SAMD11: variants seen among roughly 807,000 people sequenced by gnomAD.
The protein encoded by SAMD11 is sterile alpha motif domain-containing protein 11.
In SAMD11, 77 loss-of-function variants were observed where a neutral mutation model predicts 64.4. That is an observed-to-expected ratio of 1.20 (90% CI 0.99 to 1.44). The LOEUF (loss-of-function observed/expected upper bound fraction) is 1.44, where lower values mean the gene tolerates loss of function less well. Ranked by LOEUF, SAMD11 falls within the 40% of genes most tolerant of loss-of-function variation. The pLI is 0.00. For synonymous variants in SAMD11, 658 were observed against 421.9 expected (o/e 1.56, Z -6.86); for missense variants, 1,402 against 943.3 (o/e 1.49, Z -6.37).
chr1:942,943 G>A lies in SAMD11; in HGVS notation c.1938G>A (p.Gly646=), dbSNP rs951991576. 7 of 1,550,364 alleles carry A rather than the reference G, an allele frequency of 4.5e-6. No homozygotes were observed. In the South Asian group the frequency reaches 4.8e-5, roughly 11 times the overall value. The change falls in exon 11 of 14, where the codon GGG becomes GGA. Residue 646 remains glycine, a synonymous_variant. Transcript: ENST00000616016. ...DPETAAVGCR[G]PTPGQAPAGG... is the part of the protein sequence containing the mutation. ...AGACGGCAGCTGTTGGGTGCAGGGG[G>A]CCCACTCCGGGCCAAGCTCCAGCTG...
At chr1:938,896 T>A (rs938081449) in intron 5 of SAMD11, 144 bp from the exon 6 acceptor site, 1 of 723,398 alleles carries the variant, frequency 1.4e-6, no homozygotes, top group Admixed American at 2.2e-5. Context: ...AGGCTGGGGC[T>A]GCCAGGGCTG....
At chr1:929,207 G>A (rs1010107808) in intron 2 of SAMD11, among the ~76,000 whole-genome samples, 52 of 152,194 alleles carry the variant, frequency 3.4e-4, no homozygotes, top group African/African-American at 1.1e-3. Context: ...GGGCACGTCC[G>A]CCGCGTGTGT....
intron 7 of SAMD11, chr1:940,565 C>T (rs1397211277): frequency 6.6e-6 from 1 of 152,388 alleles, no homozygotes; most frequent in Non-Finnish European, 1.5e-5. Context: ...GGCCGAGAGA[C>T]CTGGGACGCG....
In SAMD11 at chr1:942,795, A is replaced by AG. The variant is rs990506215; in HGVS notation, c.1796dup (p.Pro600SerfsTer18). On this transcript the variant is annotated frameshift_variant, in exon 11 of 14. Transcript: ENST00000616016. LOFTEE classifies it high-confidence loss of function. ...GACTCTGCCCGGCGAGCCCCCCGGAAGGGGGGTCCCGGCCCTGCCTCAGCG... is the reference window on the plus strand; with the variant it reads ...GACTCTGCCCGGCGAGCCCCCCGGAAGGGGGGGTCCCGGCCCTGCCTCAGCG... The AG allele has an allele frequency of 1.9e-5, 30 of 1,542,252 alleles. No individual in the cohort carries two copies. Among genetic ancestry groups the AG allele is most frequent in the African/African-American group, 5.6e-5 (4 of 71,954 alleles).
intron 12 of SAMD11, 81 bp downstream of exon 12, chr1:943,458 G>A (rs1641939159): frequency 7.9e-7 from 1 of 1,270,462 alleles, no homozygotes; most frequent in Non-Finnish European, 1.1e-6. Flanking sequence ...GGTGGGGTAG[G>A]GCCATTCCCC....
At position 941,287 on chromosome 1, in the gene SAMD11, G is replaced by A. The variant is rs1641750476; in HGVS notation, c.1339G>A (p.Ala447Thr). The A allele has an allele frequency of 2.5e-6, 4 of 1,591,698 alleles. No individual in the cohort carries two copies. Among genetic ancestry groups the A allele is most frequent in the Middle Eastern group, 1.8e-4 (1 of 5,548 alleles). Residue 447 changes from alanine (A) to threonine (T), a missense_variant, in exon 8 of 14, where the codon GCC becomes ACC. Physicochemically the swap from Ala to Thr is moderately conservative, Grantham distance 58. Coordinates refer to ENST00000616016, the MANE Select transcript of SAMD11 (RefSeq NM_001385641.1). ...QHREGAAPAA[A>T]PSFSERELPQ... ...CCGGGAGGGCGCCGCCCCAGCTGCCGCCCCGTCCTTCTCGGAGAGGTACTG... is the reference window on the plus strand; with the variant it reads ...CCGGGAGGGCGCCGCCCCAGCTGCCACCCCGTCCTTCTCGGAGAGGTACTG...
chr1:944,065 C>T lies in SAMD11; in HGVS notation c.2447C>T (p.Ala816Val), dbSNP rs1317734885. 2 of 1,612,614 alleles carry T rather than the reference C, an allele frequency of 1.2e-6. No individual in the cohort carries two copies. The highest frequency in any genetic ancestry group is 1.3e-5 in the African/African-American group (1 of 74,932). Reference protein sequence around the residue: ...TATSPYGGGHALAGQTSPKQE... With the variant: ...TATSPYGGGHVLAGQTSPKQE... Reference sequence around the variant, plus strand: ...ACGTCCCCCTATGGAGGGGGCCACGCCCTTGCCGGTCAAACTTCACCCAAG... The same window carrying T: ...ACGTCCCCCTATGGAGGGGGCCACGTCCTTGCCGGTCAAACTTCACCCAAG... The change falls in exon 14 of 14, where the codon GCC becomes GTC. Residue 816 changes from alanine to valine, a missense_variant. Physicochemically the swap from Ala to Val is moderately conservative, Grantham distance 64. Transcript: ENST00000616016.
At position 942,985 on chromosome 1, in the gene SAMD11, G is replaced by A; in HGVS notation, c.1980G>A (p.Glu660=). 6.5e-7 allele frequency: 1 copy of A among 1,538,420 alleles called. No individual in the cohort carries two copies. Among genetic ancestry groups the A allele is most frequent in the Non-Finnish European group, 8.7e-7 (1 of 1,145,456 alleles). ...CTCCAGCTGGAGGGGCCGGCGCCGA[G>A]GGGAAGGGGCTTTTCCCAGGGTCCA... ...GQAPAGGAGA[E]GKGLFPGSTL... Residue 660 remains glutamate (E), a synonymous_variant, in exon 11 of 14, where the codon GAG becomes GAA. Transcript: ENST00000616016.
At position 941,189 on chromosome 1, in the gene SAMD11, G is replaced by A. The variant is rs763202330; in HGVS notation, c.1241G>A (p.Gly414Asp). ...GAGGTGGCGGCTGCAGCTCTGAGGG[G>A]CCCCAGTGGCCTGGAAGCCCACCTG... ...RQEVAAAALR[G>D]PSGLEAHLPS... Residue 414 changes from glycine (G) to aspartate (D), a missense_variant, in exon 8 of 14, where the codon GGC becomes GAC. By Grantham distance (94) the Gly-to-Asp change is moderately conservative. Transcript: ENST00000616016. 12 of 1,601,544 alleles carry A rather than the reference G, an allele frequency of 7.5e-6. No homozygotes were observed. Among genetic ancestry groups the A allele is most frequent in the African/African-American group, 5.4e-5 (4 of 74,682 alleles).
chr1:931,069 T>C lies in SAMD11; in HGVS notation c.822T>C (p.Ser274=), dbSNP rs1310417386. ...RVHTHWDVNI[S]FREASCSQDG... is the part of the protein sequence containing the mutation. ...ACACCCACTGGGACGTGAACATCTC[T>C]TTCCGAGAGGCGTCCTGCAGGTAGG... The change falls in exon 4 of 14, where the codon TCT becomes TCC. Residue 274 remains serine (S), a synonymous_variant. Transcript: ENST00000616016. The C allele has an allele frequency of 6.2e-7, 1 of 1,612,752 alleles. No individual in the cohort carries two copies. The highest frequency in any genetic ancestry group is 1.1e-5 in the South Asian group (1 of 91,076).
At chr1:929,584 G>A (rs900365402) in intron 2 of SAMD11, among the ~76,000 whole-genome samples, 1 of 152,230 alleles carries the variant, frequency 6.6e-6, no homozygotes, top group Admixed American at 6.5e-5. Context: ...GGGCAGAAGG[G>A]TCACAAAGTA....
chr1:929,658 A>ACCAGCC (rs1427853024), intron 2 of SAMD11, among the ~76,000 whole-genome samples: 2 of 152,228 alleles, frequency 1.3e-5, no homozygotes, highest in East Asian at 3.8e-4. Context: ...GTCCACCAGC[A>ACCAGCC]CCAGCCCCAG....
chr1:936,018 C>T (rs1235224808), intron 5 of SAMD11, 122 bp downstream of exon 5: 2 of 1,023,286 alleles, frequency 2.0e-6, no homozygotes, highest in Admixed American at 2.4e-5. Flanking sequence ...CGGCCTGTCC[C>T]CCAGGGGCTG....
Position 927,828 on chromosome 1 carries a change from TG to T in SAMD11, c.609+1818del, listed in dbSNP as rs575033421. Among the ~76,000 whole-genome samples the T allele has an allele frequency of 2.0e-3, 304 of 152,210 alleles. 1 individual carries two copies. Among genetic ancestry groups the T allele is most frequent in the Admixed American group, 5.0e-3 (77 of 15,296 alleles). ...AGGTGTGTTCTGTCCTTGGGCAGGGTGGGTGGCAGGGAAGCTGTCCTGGTCC... is the reference window on the plus strand; with the variant it reads ...AGGTGTGTTCTGTCCTTGGGCAGGGTGGTGGCAGGGAAGCTGTCCTGGTCC... On this transcript the variant is annotated intron_variant, in intron 2 of 13. Coordinates refer to ENST00000616016, the MANE Select transcript of SAMD11 (RefSeq NM_001385641.1).
chr1:943,157 C>T (rs1344891561), intron 11 of SAMD11, 96 bp from the exon 12 acceptor site: 27 of 1,590,572 alleles, frequency 1.7e-5, no homozygotes, highest in Non-Finnish European at 1.8e-5. Context: ...CTTAGGCACC[C>T]ATCCCCCACC....
rs978318602 is a variant in SAMD11, at chr1:941,075, G to C, written c.1196-69G>C. The C allele has an allele frequency of 2.1e-6, 3 of 1,426,310 alleles. No homozygotes were observed. In the African/African-American group the frequency reaches 4.2e-5, roughly 20 times the overall value. The allele number at this position is 1,426,310 out of a possible 1,614,324, so 88.4% of individuals were successfully genotyped here. A position where few individuals can be genotyped will look rare whatever the true frequency, so the allele number is the denominator to read the frequency against. ...TCAGTTCCCCACCTCAGTGTTCTAC[G>C]CCAGGACGCGGGCTGGGGAGGATGA... On this transcript the variant is annotated intron_variant, in intron 7 of 13. Transcript: ENST00000616016.
chr1:935,907 C>G lies in SAMD11; in HGVS notation c.967+11C>G. On this transcript the variant is annotated intron_variant, in intron 5 of 13. Transcript: ENST00000616016. ...GCCTGCGACCCGCCGGTGAGGAGCA[C>G]AGGGGGCCTGAGGGCGGGGTCGGGG... is the stretch of plus-strand genomic sequence containing the variant. 6.2e-7 allele frequency: 1 copy of G among 1,612,024 alleles called. No homozygotes were observed. The highest frequency in any genetic ancestry group is 8.5e-7 in the Non-Finnish European group (1 of 1,179,350).
Position 943,343 on chromosome 1 carries a change from TG to T in SAMD11, c.2150del (p.Gly717AlafsTer25). 3 of 1,596,270 alleles carry T rather than the reference TG, an allele frequency of 1.9e-6. No individual in the cohort carries two copies. The highest frequency in any genetic ancestry group is 2.6e-6 in the Non-Finnish European group (3 of 1,170,624). On this transcript the variant is annotated frameshift_variant, in exon 12 of 14. Transcript: ENST00000616016. LOFTEE classifies it high-confidence loss of function. Reference protein sequence around the residue: ...KWTVDDVCSFVGGLSGCGEYT... With the variant: ...KWTVDDVCSFXGGLSGCGEYT... Reference sequence around the variant, plus strand: ...ACCGTGGATGACGTCTGCAGCTTCGTGGGGGGCCTGTCTGGCTGTGGAGAGT... The same window carrying T: ...ACCGTGGATGACGTCTGCAGCTTCGTGGGGGCCTGTCTGGCTGTGGAGAGT...
At chr1:942,088 C>A in intron 8 of SAMD11, 48 bp from the exon 9 acceptor site, 1 of 562,546 alleles carries the variant, frequency 1.8e-6, no homozygotes, top group Non-Finnish European at 2.9e-6. Context: ...GGGGCCTTTA[C>A]GGGAACGGGG....
Sources: gnomAD v4.1 joint callset for allele counts (sites outside exome capture counted in the v4.1 genomes callset) on GRCh38, gnomAD v4.1.1 for gene constraint, MANE v1.5 for transcripts, NCBI Gene and HGNC (gene_info 2026-07-23, HGNC 2026-07-21) for gene names.